MED26: variants seen among roughly 807,000 people sequenced by gnomAD.
MED26 encodes mediator complex subunit 26, also known as mediator of RNA polymerase II transcription subunit 26.
Under a neutral mutation model 43.7 loss-of-function variants are expected in MED26, and 7 were observed. The ratio of observed to expected loss-of-function variants is 0.16; its 90% CI spans 0.09 to 0.30. MED26 has a LOEUF of 0.30. MED26 is among the 10% of genes least tolerant of loss of function. MED26 has a pLI of 1.00. For synonymous variants in MED26, 375 were observed against 371.1 expected (o/e 1.01, Z -0.12); for missense variants, 784 against 840.6 (o/e 0.93, Z 0.83).
intron 1 of MED26, among the ~76,000 whole-genome samples, chr19:16,594,367 G>C (rs897015825): frequency 5.9e-5 from 9 of 152,258 alleles, no homozygotes; most frequent in African/African-American, 2.2e-4. Flanking sequence ...CAAGCCCCAA[G>C]TGGGGTGGAG....
intron 2 of MED26, chr19:16,578,051 G>A: frequency 1.9e-6 from 1 of 518,340 alleles, no homozygotes; most frequent in Non-Finnish European, 3.4e-6. Flanking sequence ...GTGGAGGGTT[G>A]GGGATGGTGC....
At chr19:16,596,634 G>A (rs1293367051) in intron 1 of MED26, among the ~76,000 whole-genome samples, 1 of 152,242 alleles carries the variant, frequency 6.6e-6, no homozygotes, top group African/African-American at 2.4e-5. Flanking sequence ...TGCTGGCACA[G>A]GGTGGGGATG....
intron 1 of MED26, among the ~76,000 whole-genome samples, chr19:16,609,150 A>G (rs981310539): frequency 5.3e-5 from 8 of 152,022 alleles, no homozygotes; most frequent in Non-Finnish European, 1.0e-4. Flanking sequence ...CCCTGTCTCT[A>G]CTAAAAATAC....
At chr19:16,608,127 T>C (rs1413140442) in intron 1 of MED26, among the ~76,000 whole-genome samples, 1 of 152,244 alleles carries the variant, frequency 6.6e-6, no homozygotes, top group African/African-American at 2.4e-5. Context: ...GCCGCGAGCC[T>C]TCAGCATCCA....
At chr19:16,607,315 G>A (rs1166179366) in intron 1 of MED26, among the ~76,000 whole-genome samples, 2 of 150,220 alleles carry the variant, frequency 1.3e-5, no homozygotes, top group African/African-American at 2.5e-5. Flanking sequence ...AGGCTACAAT[G>A]ATCTATGGCT....
intron 1 of MED26, chr19:16,588,799 G>A (rs1458538986): frequency 6.6e-6 from 1 of 152,264 alleles, no homozygotes; most frequent in African/African-American, 2.4e-5. Context: ...GAAGCCGAAG[G>A]AGAGCAGCCC....
Position 16,577,285 on chromosome 19 carries a change from G to T in MED26, c.545C>A (p.Thr182Asn). Residue 182 changes from threonine (T) to asparagine (N), a missense_variant, in exon 3 of 3, where the codon ACC becomes AAC. Coordinates refer to ENST00000263390, the MANE Select transcript of MED26 (RefSeq NM_004831.5). The surrounding 1 kb of genome is among the most constrained non-coding windows in gnomAD (Gnocchi z 8.1). ...CTCTGGACTCCCACTGATCCCGTTG[G>T]TGGGGAGGGGGGATGAGTTGGGGAC... Reference protein sequence around the residue: ...PLVPNSSPLPTNGISGSPESF... With the variant: ...PLVPNSSPLPNNGISGSPESF... 1 of 1,611,668 alleles carries T rather than the reference G, an allele frequency of 6.2e-7. No individual in the cohort carries two copies. Among genetic ancestry groups the T allele is most frequent in the South Asian group, 1.1e-5 (1 of 91,070 alleles).
rs371867609 is a variant in MED26, at chr19:16,597,173, C to T, written c.73-18764G>A. 5.1e-4 allele frequency among the ~76,000 whole-genome samples: 78 copies of T among 152,268 alleles called. 1 individual carries two copies. Among genetic ancestry groups the T allele is most frequent in the Middle Eastern group, 3.4e-3 (1 of 294 alleles). On this transcript the variant is annotated intron_variant, in intron 1 of 2. Transcript: ENST00000263390. ...GTTCTTCTGGGACACGGGTACAGTA[C>T]AAAAGCTGTAGCCTGAGATGACAAC...
At chr19:16,620,726 G>A (rs901256445) in intron 1 of MED26, among the ~76,000 whole-genome samples, 5 of 152,220 alleles carry the variant, frequency 3.3e-5, no homozygotes, top group African/African-American at 4.8e-5. Flanking sequence ...GATGACAGGA[G>A]GCTCCCAACT....
At position 16,578,272 on chromosome 19, in the gene MED26, T is replaced by G. The variant is rs764015429; in HGVS notation, c.147+63A>C. ...TGCTCCCAGAAGCTGCGGAAGGACC[T>G]GGTTGGTACCATCCCCTGCCCCCCG... On this transcript the variant is annotated intron_variant, in intron 2 of 2. Transcript: ENST00000263390. 2.3e-5 allele frequency: 34 copies of G among 1,455,948 alleles called. No individual in the cohort carries two copies. The East Asian group carries it at 7.7e-4, about 33-fold the overall frequency. 90.2% of individuals were successfully genotyped at this position (1,455,948 alleles called of 1,614,324 possible).
At chr19:16,580,919 C>A (rs1476245003) in intron 1 of MED26, among the ~76,000 whole-genome samples, 2 of 152,236 alleles carry the variant, frequency 1.3e-5, no homozygotes, top group African/African-American at 4.8e-5. Flanking sequence ...CATCTCCAGG[C>A]TGTTCCCTTA....
chr19:16,625,161 G>A (rs1346501337), intron 1 of MED26, among the ~76,000 whole-genome samples: 1 of 152,218 alleles, frequency 6.6e-6, no homozygotes, highest in Non-Finnish European at 1.5e-5. Context: ...CAACTGCTCT[G>A]AAAAACTGTT....
At chr19:16,579,270 C>T (rs957896900) in intron 1 of MED26, among the ~76,000 whole-genome samples, 1 of 152,154 alleles carries the variant, frequency 6.6e-6, no homozygotes, top group Non-Finnish European at 1.5e-5. Context: ...AGGAGCCCGG[C>T]GTAGACTGGC....
At chr19:16,599,562 G>C (rs1331773919) in intron 1 of MED26, among the ~76,000 whole-genome samples, 1 of 152,158 alleles carries the variant, frequency 6.6e-6, no homozygotes, top group East Asian at 1.9e-4. Flanking sequence ...TATTAAAAGG[G>C]GGTGATATTT....
intron 1 of MED26, among the ~76,000 whole-genome samples, chr19:16,615,717 G>A (rs1402643302): frequency 6.6e-6 from 1 of 151,342 alleles, no homozygotes; most frequent in African/African-American, 2.4e-5. Flanking sequence ...TTGCACTCCA[G>A]CCTGGGAGGC....
At chr19:16,602,232 C>A (rs1381234131) in intron 1 of MED26, among the ~76,000 whole-genome samples, 1 of 152,214 alleles carries the variant, frequency 6.6e-6, no homozygotes, top group African/African-American at 2.4e-5. Context: ...ATGGTGCCGA[C>A]TGGAACACAC....
chr19:16,601,259 G>A (rs902200222), intron 1 of MED26, among the ~76,000 whole-genome samples: 2 of 151,576 alleles, frequency 1.3e-5, no homozygotes, highest in African/African-American at 2.4e-5. Context: ...GGATTCAAGC[G>A]ATTCTCCTGC....
At chr19:16,612,829 T>C (rs1031946742) in intron 1 of MED26, among the ~76,000 whole-genome samples, 1 of 152,218 alleles carries the variant, frequency 6.6e-6, no homozygotes. Flanking sequence ...AATTTCTTCC[T>C]GTTTTCCCCC....
At chr19:16,598,780 C>T (rs1460107034) in intron 1 of MED26, among the ~76,000 whole-genome samples, 1 of 152,174 alleles carries the variant, frequency 6.6e-6, no homozygotes, top group Non-Finnish European at 1.5e-5. Flanking sequence ...GACCCATCAT[C>T]TGTAATAACC....
Sources: allele counts gnomAD v4.1 joint callset (sites outside exome capture counted in the v4.1 genomes callset), GRCh38; gene constraint gnomAD v4.1.1; non-coding constraint Gnocchi (gnomAD v3.1); transcripts MANE v1.5; gene names NCBI Gene and HGNC (gene_info 2026-07-23, HGNC 2026-07-21).